The following KCNAB1 variants were observed in gnomAD, a reference collection of about 807,000 sequenced individuals.
KCNAB1 encodes the protein potassium voltage-gated channel subfamily A regulatory beta subunit 1, also known as voltage-gated potassium channel subunit beta-1.
A neutral mutation model predicts 64.6 loss-of-function variants in KCNAB1; 35 were observed. That is an observed-to-expected ratio of 0.54 (90% CI 0.41 to 0.72). The LOEUF (loss-of-function observed/expected upper bound fraction) is 0.72. Among genes scored for constraint, KCNAB1 ranks in the 30% least tolerant of loss-of-function variants. The probability of loss-of-function intolerance (pLI) is 0.00; values close to 1 mark genes in which losing one functional copy is unlikely to be tolerated. For synonymous variants in KCNAB1, 177 were observed against 183.8 expected (o/e 0.96, Z 0.30); for missense variants, 401 against 512.9 (o/e 0.78, Z 2.11).
At chr3:156,405,179 A>G (rs1393507183) in intron 1 of KCNAB1, among the ~76,000 whole-genome samples, 9 of 152,344 alleles carry the variant, frequency 5.9e-5, no homozygotes, top group East Asian at 1.9e-4. Flanking sequence ...GAGCCATGCA[A>G]TCAGTCTTGG....
intron 1 of KCNAB1, among the ~76,000 whole-genome samples, chr3:156,377,602 G>A (rs190136341): frequency 2.6e-5 from 4 of 152,176 alleles, no homozygotes; most frequent in East Asian, 1.9e-4. Context: ...GTCACTTCAC[G>A]GATCCCAGCA....
chr3:156,384,801 A>T (rs544874294), intron 1 of KCNAB1, among the ~76,000 whole-genome samples: 1 of 152,248 alleles, frequency 6.6e-6, no homozygotes, highest in East Asian at 1.9e-4. Context: ...ATTCTGTGAA[A>T]ACTCCCTTGG....
chr3:156,370,681 C>A, intron 1 of KCNAB1, among the ~76,000 whole-genome samples: 1 of 152,214 alleles, frequency 6.6e-6, no homozygotes, highest in East Asian at 1.9e-4. Flanking sequence ...AATTAAAGCC[C>A]TCCCTGGATT....
intron 1 of KCNAB1, among the ~76,000 whole-genome samples, chr3:156,296,630 T>C (rs1372095119): frequency 1.3e-5 from 2 of 152,060 alleles, no homozygotes; most frequent in Admixed American, 6.5e-5. Flanking sequence ...CCCACCACCA[T>C]GCCTGGCTAA....
chr3:156,509,375 G>GTGCTGCTGCTGCTGCTGC (rs67594426), intron 8 of KCNAB1, among the ~76,000 whole-genome samples: 1 of 151,058 alleles, frequency 6.6e-6, no homozygotes, highest in Non-Finnish European at 1.5e-5. Context: ...AAGTTTCCAG[G>GTGCTGCTGCTGCTGCTGC]TGCTGCTGCT....
At chr3:156,423,976 T>G (rs1715643532) in intron 2 of KCNAB1, among the ~76,000 whole-genome samples, 1 of 152,128 alleles carries the variant, frequency 6.6e-6, no homozygotes, top group Non-Finnish European at 1.5e-5. Context: ...AAGGGAAACA[T>G]TTGAAATTGG....
At chr3:156,454,545 G>A (rs1414562250) in intron 3 of KCNAB1, among the ~76,000 whole-genome samples, 2 of 152,084 alleles carry the variant, frequency 1.3e-5, no homozygotes, top group Non-Finnish European at 1.5e-5. Flanking sequence ...TAAGTCCCTC[G>A]GTTCCAAAGG....
At chr3:156,515,645 A>T (rs1717507868) in intron 10 of KCNAB1, among the ~76,000 whole-genome samples, 1 of 152,220 alleles carries the variant, frequency 6.6e-6, no homozygotes. Flanking sequence ...TGGGAAATTC[A>T]ACAACTATTA....
At chr3:156,342,665 G>T (rs1211969874) in intron 1 of KCNAB1, among the ~76,000 whole-genome samples, 1 of 141,372 alleles carries the variant, frequency 7.1e-6, no homozygotes, top group African/African-American at 2.7e-5. Context: ...CATTGTGCAG[G>T]TTAGTTACAT....
Position 156,511,437 on chromosome 3 carries a change from C to T in KCNAB1, c.659-2927C>T, listed in dbSNP as rs561548125. On this transcript the variant is annotated intron_variant, in intron 8 of 13. Coordinates refer to ENST00000490337, the MANE Select transcript of KCNAB1 (RefSeq NM_172160.3). The stretch of plus-strand genomic sequence containing the variant: ...CCTTTTAGTATCTCACATGCATCTC[C>T]ATTTTTCACATGTCCAAAGAAGAAC... 3.9e-5 allele frequency among the ~76,000 whole-genome samples: 6 copies of T among 152,240 alleles called. No homozygotes were observed. The East Asian group carries it at 1.2e-3, about 29-fold the overall frequency.
At chr3:156,370,644 G>C (rs1726241079) in intron 1 of KCNAB1, among the ~76,000 whole-genome samples, 1 of 152,212 alleles carries the variant, frequency 6.6e-6, no homozygotes, top group Non-Finnish European at 1.5e-5. Flanking sequence ...AAGTCAAAGG[G>C]TTGGCTCCTG....
At chr3:156,169,858 A>G (rs1017520097) in intron 1 of KCNAB1, among the ~76,000 whole-genome samples, 1 of 152,324 alleles carries the variant, frequency 6.6e-6, no homozygotes, top group African/African-American at 2.4e-5. Flanking sequence ...ATTAAACCTC[A>G]TTTTTAAATA....
Position 156,457,446 on chromosome 3 carries a change from C to T in KCNAB1, c.358-7C>T, listed in dbSNP as rs759070389. 2 of 1,613,722 alleles carry T rather than the reference C, an allele frequency of 1.2e-6. No homozygotes were observed. Among genetic ancestry groups the T allele is most frequent in the Admixed American group, 1.7e-5 (1 of 60,002 alleles). On this transcript the variant is annotated splice_polypyrimidine_tract_variant and splice_region_variant and intron_variant, in intron 3 of 13. Coordinates refer to ENST00000490337, the MANE Select transcript of KCNAB1 (RefSeq NM_172160.3). ...CTTTTCTGAGTGACCTTTCTCTCCC[C>T]TTGCAGGTTGCTGAACGGCTGATGA...
At chr3:156,468,442 G>A (rs567628662) in intron 7 of KCNAB1, among the ~76,000 whole-genome samples, 2 of 152,040 alleles carry the variant, frequency 1.3e-5, no homozygotes, top group South Asian at 4.2e-4. Context: ...ATCTCTCACT[G>A]ACTGTTTTTT....
At chr3:156,298,650 T>G (rs1427305773) in intron 1 of KCNAB1, among the ~76,000 whole-genome samples, 2 of 152,204 alleles carry the variant, frequency 1.3e-5, no homozygotes, top group Non-Finnish European at 2.9e-5. Flanking sequence ...ATTCAGTGAA[T>G]TTGATCAAAA....
intron 1 of KCNAB1, among the ~76,000 whole-genome samples, chr3:156,223,022 T>C (rs1238893921): frequency 6.6e-6 from 1 of 152,224 alleles, no homozygotes; most frequent in African/African-American, 2.4e-5. Context: ...ATTGGTGGGT[T>C]CTTGGTCTCA....
At chr3:156,510,521 T>G (rs975276917) in intron 8 of KCNAB1, among the ~76,000 whole-genome samples, 8 of 152,186 alleles carry the variant, frequency 5.3e-5, no homozygotes, top group Non-Finnish European at 1.0e-4. Context: ...GGCTTACTCT[T>G]AATGTCCCGT....
chr3:156,457,320 C>T (rs77966894), intron 3 of KCNAB1, 133 bp from the exon 4 acceptor site: 52 of 1,491,610 alleles, frequency 3.5e-5, no homozygotes, highest in Admixed American at 4.5e-5. Flanking sequence ...CTTTCCCTCT[C>T]CACTAAAACT....
intron 11 of KCNAB1, among the ~76,000 whole-genome samples, chr3:156,523,470 CT>C (rs34386084): frequency 6.7e-5 from 10 of 149,852 alleles, no homozygotes; most frequent in African/African-American, 1.5e-4. Context: ...TGTAAATGTA[CT>C]TTTTTTTTTG....
Sources: gnomAD v4.1 joint callset for allele counts (sites outside exome capture counted in the v4.1 genomes callset) on GRCh38, gnomAD v4.1.1 for gene constraint, MANE v1.5 for transcripts, NCBI Gene and HGNC (gene_info 2026-07-23, HGNC 2026-07-21) for gene names.